Variants in AKAP6 observed in about 807,000 individuals in gnomAD.
AKAP6 encodes A-kinase anchoring protein 6.
A neutral mutation model predicts 188.5 loss-of-function variants in AKAP6; 58 were observed. That is an observed-to-expected ratio of 0.31 (90% CI 0.25 to 0.38). The LOEUF is 0.38. Among genes scored for constraint, AKAP6 ranks in the 10% least tolerant of loss-of-function variants. The probability of loss-of-function intolerance (pLI) is 1.00; values close to 1 mark genes in which losing one functional copy is unlikely to be tolerated. For missense variants in AKAP6, 2,710 were observed against 2,740.0 expected (o/e 0.99, Z 0.24); for synonymous variants, 989 against 998.6 (o/e 0.99, Z 0.18).
rs61668961 is a variant in AKAP6 at position 32,540,168 on chromosome 14, C to CTATATATA, written c.576+4381_576+4388dup. On this transcript the variant is annotated intron_variant, in intron 3 of 13. Transcript: ENST00000280979. The stretch of plus-strand genomic sequence containing the variant: ...TCTCTCTCTCTCTCTCTCTCTCTCT[C>CTATATATA]TATATATATATATATATATATATAT... Among the ~76,000 whole-genome samples, 113 of 60,898 alleles carry CTATATATA rather than the reference C, an allele frequency of 1.9e-3. 2 individuals carry two copies. The highest frequency in any genetic ancestry group is 6.0e-3 in the African/African-American group (61 of 10,234). The allele number at this position is 60,898 out of a possible 152,430, so 40.0% of individuals were successfully genotyped here. A position where few individuals can be genotyped will look rare whatever the true frequency, so the allele number is the denominator to read the frequency against.
chr14:32,571,883 C>T (rs1884504745), intron 4 of AKAP6, among the ~76,000 whole-genome samples: 1 of 152,162 alleles, frequency 6.6e-6, no homozygotes, highest in Non-Finnish European at 1.5e-5. Flanking sequence ...TTAAATTTTT[C>T]ATTTAAATTT....
rs1280994276 is a variant in AKAP6, at chr14:32,836,746, T to A, written c.*6941T>A. 1 of 152,204 alleles carries A rather than the reference T, an allele frequency of 6.6e-6. No individual in the cohort carries two copies. The highest frequency in any genetic ancestry group is 1.9e-4 in the East Asian group (1 of 5,182). 9.4% of individuals were successfully genotyped at this position (152,204 alleles called of 1,614,324 possible). A position where few individuals can be genotyped will look rare whatever the true frequency, so the allele number is the denominator to read the frequency against. On this transcript the variant is annotated 3_prime_UTR_variant, in exon 14 of 14. Coordinates refer to ENST00000280979, the MANE Select transcript of AKAP6 (RefSeq NM_004274.5). ...GCCACTGCTATTGAGGCTTGCACTCTCTTGCTTGAAATGAGGTGCTCCCAA... is the reference window on the plus strand; with the variant it reads ...GCCACTGCTATTGAGGCTTGCACTCACTTGCTTGAAATGAGGTGCTCCCAA...
intron 1 of AKAP6, among the ~76,000 whole-genome samples, chr14:32,428,433 AC>A (rs766149188): frequency 7.8e-4 from 118 of 152,106 alleles, no homozygotes; most frequent in Admixed American, 1.4e-3. Flanking sequence ...CTATACTGGC[AC>A]CAGTGTCCTG....
In AKAP6 at chr14:32,417,745, AG is replaced by A. The variant is rs1889709739; in HGVS notation, c.-34-15714del. The A allele has an allele frequency of 1.3e-5, 2 of 152,162 alleles. 1 individual carries two copies. Among genetic ancestry groups the A allele is most frequent in the Non-Finnish European group, 2.9e-5 (2 of 68,036 alleles). 9.4% of individuals were successfully genotyped at this position (152,162 alleles called of 1,614,324 possible). A position where few individuals can be genotyped will look rare whatever the true frequency, so the allele number is the denominator to read the frequency against. ...ATTTTGCACATTTGACACAGAGAAA[AG>A]TCATATTCTTCAGGCTTTTTTTTGT... On this transcript the variant is annotated intron_variant, in intron 1 of 13. Transcript: ENST00000280979.
At chr14:32,756,980 G>A (rs994097445) in intron 11 of AKAP6, among the ~76,000 whole-genome samples, 7 of 152,092 alleles carry the variant, frequency 4.6e-5, no homozygotes, top group Admixed American at 1.3e-4. Flanking sequence ...TGTAGTCTGG[G>A]GCTGCAAAGG....
intron 3 of AKAP6, among the ~76,000 whole-genome samples, chr14:32,539,070 AGAAAT>A (rs1486830313): frequency 6.6e-6 from 1 of 152,210 alleles, no homozygotes; most frequent in East Asian, 1.9e-4. Flanking sequence ...AACACATGTT[AGAAAT>A]GACCTTCATA....
intron 7 of AKAP6, among the ~76,000 whole-genome samples, chr14:32,629,464 T>C (rs1184784692): frequency 1.3e-5 from 2 of 149,830 alleles, no homozygotes; most frequent in Non-Finnish European, 3.0e-5. Flanking sequence ...TCATGTTTTT[T>C]TTTTTTTTTC....
intron 2 of AKAP6, among the ~76,000 whole-genome samples, chr14:32,479,698 C>G (rs1194371383): frequency 3.9e-5 from 6 of 151,996 alleles, no homozygotes; most frequent in African/African-American, 1.5e-4. Flanking sequence ...GAAGGTGGGG[C>G]CTTTGGGAGG....
chr14:32,621,652 C>A (rs1278668129), intron 7 of AKAP6, among the ~76,000 whole-genome samples: 5 of 151,936 alleles, frequency 3.3e-5, no homozygotes, highest in Non-Finnish European at 7.4e-5. Context: ...TTATACAGTT[C>A]TTAGGTAGAA....
chr14:32,757,347 A>G (rs2032376044), intron 11 of AKAP6, among the ~76,000 whole-genome samples: 1 of 152,100 alleles, frequency 6.6e-6, no homozygotes, highest in Non-Finnish European at 1.5e-5. Context: ...AGGCTAGGTT[A>G]GAGATGATAG....
intron 5 of AKAP6, among the ~76,000 whole-genome samples, chr14:32,581,503 A>C (rs1037179031): frequency 6.6e-6 from 1 of 152,082 alleles, no homozygotes; most frequent in Non-Finnish European, 1.5e-5. Context: ...GTAGATGTCT[A>C]TTAGGTCCGC....
intron 1 of AKAP6, among the ~76,000 whole-genome samples, chr14:32,346,570 G>A (rs112926903): frequency 2.3e-3 from 355 of 152,312 alleles, no homozygotes; most frequent in African/African-American, 7.4e-3. Context: ...CTGCGGTGGT[G>A]CTATCTTGGC....
At chr14:32,567,977 G>A (rs932164397) in intron 4 of AKAP6, among the ~76,000 whole-genome samples, 2 of 151,984 alleles carry the variant, frequency 1.3e-5, no homozygotes, top group Non-Finnish European at 2.9e-5. Context: ...GAGGAGTGGG[G>A]AACAAAGGAG....
intron 11 of AKAP6, among the ~76,000 whole-genome samples, chr14:32,740,716 G>A (rs1030498470): frequency 6.6e-5 from 10 of 152,074 alleles, no homozygotes; most frequent in African/African-American, 2.2e-4. Context: ...TCTCTGTTCT[G>A]TTCCATTCGT....
At chr14:32,528,440 C>A (rs1882241125) in intron 2 of AKAP6, among the ~76,000 whole-genome samples, 1 of 152,056 alleles carries the variant, frequency 6.6e-6, no homozygotes, top group Non-Finnish European at 1.5e-5. Flanking sequence ...ACTGTCTTTT[C>A]TCTATTGTGT....
At chr14:32,682,211 T>G (rs1889707123) in intron 8 of AKAP6, among the ~76,000 whole-genome samples, 1 of 152,176 alleles carries the variant, frequency 6.6e-6, no homozygotes, top group Admixed American at 6.5e-5. Flanking sequence ...GCAGAAGTGC[T>G]TCTCAATTTA....
chr14:32,425,156 A>T (rs1303566086), intron 1 of AKAP6, among the ~76,000 whole-genome samples: 3 of 151,682 alleles, frequency 2.0e-5, no homozygotes, highest in Non-Finnish European at 2.9e-5. Context: ...AGCATCTGTT[A>T]TTTTTTTTGA....
intron 1 of AKAP6, among the ~76,000 whole-genome samples, chr14:32,337,484 A>C (rs1886743328): frequency 6.6e-6 from 1 of 152,212 alleles, no homozygotes; most frequent in African/African-American, 2.4e-5. Context: ...CTCTGAGAAC[A>C]AATAAAGAAT....
At chr14:32,387,501 G>A (rs1888571178) in intron 1 of AKAP6, among the ~76,000 whole-genome samples, 1 of 147,756 alleles carries the variant, frequency 6.8e-6, no homozygotes, top group Non-Finnish European at 1.5e-5. Context: ...TATATATTAT[G>A]ATATTTATAA....
Sources: allele counts gnomAD v4.1 joint callset (sites outside exome capture counted in the v4.1 genomes callset), GRCh38; gene constraint gnomAD v4.1.1; transcripts MANE v1.5; gene names NCBI Gene and HGNC (gene_info 2026-07-23, HGNC 2026-07-21).